LINC00632: variants seen among roughly 807,000 people sequenced by gnomAD.
The protein encoded by LINC00632 is ALDOA related specific transcript.
intron 3 of LINC00632, among the ~76,000 whole-genome samples, chrX:140,742,345 C>T (rs762967932): frequency 4.5e-5 from 5 of 111,280 alleles, no homozygotes; most frequent in African/African-American, 9.8e-5. Context: ...GTGTAGGGTA[C>T]ACTCTTGGGA....
intron 2 of LINC00632, chrX:140,713,622 C>T (rs1251583566): frequency 2.9e-6 from 1 of 342,802 alleles, no homozygotes; most frequent in Admixed American, 3.1e-5. Flanking sequence ...ACCCCCACAG[C>T]ACCTAGACTC....
exon 5 of LINC00632, chrX:140,783,686 G>T (rs1931968744): frequency 8.3e-7 from 1 of 1,209,220 alleles, no homozygotes; most frequent in African/African-American, 1.8e-5. Context: ...GTGTCTTCCA[G>T]AAAAATCTAC....
At chrX:140,756,089 T>A (rs1429988406) in intron 3 of LINC00632, among the ~76,000 whole-genome samples, 1 of 111,452 alleles carries the variant, frequency 9.0e-6, no homozygotes, top group Non-Finnish European at 1.9e-5. Context: ...AACTAGGGCC[T>A]AACTTTTTTA....
At chrX:140,784,360 A>C (rs1200406003) in exon 5 of LINC00632, 3 of 1,207,768 alleles carry the variant, frequency 2.5e-6, no homozygotes, top group Admixed American at 4.4e-5. Context: ...TCTTCCAACC[A>C]AGCCATGTCT....
intron 2 of LINC00632, among the ~76,000 whole-genome samples, chrX:140,725,660 T>C (rs1180285838): frequency 1.8e-5 from 2 of 111,794 alleles, no homozygotes; most frequent in Non-Finnish European, 3.8e-5. Flanking sequence ...TACCCAGACA[T>C]ACCCATTGTT....
chrX:140,778,529 TG>T (rs1472661476), exon 5 of LINC00632, among the ~76,000 whole-genome samples: 1 of 107,664 alleles, frequency 9.3e-6, no homozygotes, highest in African/African-American at 3.4e-5. Flanking sequence ...CACTTAAACC[TG>T]GGAGGCGGAG....
exon 5 of LINC00632, among the ~76,000 whole-genome samples, chrX:140,790,629 T>C (rs1419390527): frequency 9.0e-6 from 1 of 111,396 alleles, no homozygotes; most frequent in East Asian, 2.8e-4. Flanking sequence ...TTGAGTAACA[T>C]GTCAAGAACT....
intron 2 of LINC00632, among the ~76,000 whole-genome samples, chrX:140,715,366 G>A (rs1200308065): frequency 2.7e-5 from 3 of 111,390 alleles, no homozygotes; most frequent in African/African-American, 9.8e-5. Flanking sequence ...AGTCCGAGGC[G>A]GGCGGATCAC....
At chrX:140,770,460 G>A (rs1931770509) in intron 3 of LINC00632, among the ~76,000 whole-genome samples, 2 of 111,884 alleles carry the variant, frequency 1.8e-5, no homozygotes, top group South Asian at 3.7e-4. Flanking sequence ...CAGCTACTTC[G>A]GAGGCTGAGG....
chrX:140,773,301 G>A (rs758799053), exon 4 of LINC00632, among the ~76,000 whole-genome samples: 4 of 112,348 alleles, frequency 3.6e-5, no homozygotes, highest in Non-Finnish European at 7.5e-5. Context: ...CTGCCGGAGA[G>A]TATCCTGAAT....
chrX:140,785,950 G>A (rs1274871479), exon 5 of LINC00632, among the ~76,000 whole-genome samples: 2 of 111,243 alleles, frequency 1.8e-5, no homozygotes, highest in African/African-American at 3.3e-5. Flanking sequence ...CCTTGTATCC[G>A]ACTAATGGTA....
At chrX:140,765,689 TAGTA>T (rs1931677281) in intron 3 of LINC00632, among the ~76,000 whole-genome samples, 2 of 108,606 alleles carry the variant, frequency 1.8e-5, no homozygotes, top group South Asian at 8.3e-4. Context: ...TTACCTCTCC[TAGTA>T]AGTGACTAGA....
At position 140,770,790 on chromosome X, in the gene LINC00632, A is replaced by G. The variant is rs1204246793; in HGVS notation, n.192-1288A>G. The stretch of plus-strand genomic sequence containing the variant: ...TATTAATTATTAGTGAAGCGTTATC[A>G]GAAGATCTGAGATCCGAGAACTTGG... On this transcript the variant is annotated intron_variant and non_coding_transcript_variant, in intron 3 of 4. Coordinates refer to ENST00000648200, the Ensembl canonical transcript of LINC00632. Among the ~76,000 whole-genome samples, 3 of 112,252 alleles carry G rather than the reference A, an allele frequency of 2.7e-5. No individual in the cohort carries two copies. The East Asian group carries it at 8.4e-4, about 31-fold the overall frequency.
At chrX:140,749,546 G>C (rs1289092729) in intron 3 of LINC00632, among the ~76,000 whole-genome samples, 1 of 111,418 alleles carries the variant, frequency 9.0e-6, no homozygotes, top group African/African-American at 3.3e-5. Context: ...ATTCTCCAGG[G>C]GAGAAGACTT....
intron 3 of LINC00632, among the ~76,000 whole-genome samples, chrX:140,770,783 C>T (rs1282023291): frequency 3.6e-5 from 4 of 111,754 alleles, no homozygotes; most frequent in African/African-American, 6.5e-5. Flanking sequence ...ATTAGTGAAG[C>T]GTTATCAGAA....
exon 5 of LINC00632, among the ~76,000 whole-genome samples, chrX:140,789,438 TTTAA>T (rs1932074324): frequency 9.0e-6 from 1 of 111,261 alleles, no homozygotes; most frequent in African/African-American, 3.2e-5. Flanking sequence ...CTATTATTTA[TTTAA>T]TTCTTTCCAC....
At chrX:140,743,375 G>A (rs769492129) in intron 3 of LINC00632, among the ~76,000 whole-genome samples, 2 of 109,363 alleles carry the variant, frequency 1.8e-5, no homozygotes, top group East Asian at 2.9e-4. Flanking sequence ...GACAAACTTC[G>A]ACACTTGGAA....
At chrX:140,773,970 G>A (rs941173734) in exon 4 of LINC00632, among the ~76,000 whole-genome samples, 4 of 112,437 alleles carry the variant, frequency 3.6e-5, no homozygotes, top group African/African-American at 1.3e-4. Flanking sequence ...ACTTAATGAA[G>A]TCTGGCAGAA....
At chrX:140,720,246 C>T (rs1930706289) in intron 2 of LINC00632, among the ~76,000 whole-genome samples, 1 of 111,330 alleles carries the variant, frequency 9.0e-6, no homozygotes, top group African/African-American at 3.3e-5. Context: ...AAAACACTTC[C>T]TTGTCTCTTC....
Sources: allele counts gnomAD v4.1 joint callset (sites outside exome capture counted in the v4.1 genomes callset), GRCh38; gene constraint gnomAD v4.1.1; transcripts MANE v1.5; gene names NCBI Gene and HGNC (gene_info 2026-07-23, HGNC 2026-07-21).